YBX3: variants seen among roughly 807,000 people sequenced by gnomAD.
YBX3 encodes Y-box-binding protein 3.
Under a neutral mutation model 42.4 loss-of-function variants are expected in YBX3, and 29 were observed. The observed-to-expected ratio is 0.68, with a 90% CI of 0.51 to 0.93. YBX3 has a LOEUF of 0.93. Ranked by LOEUF, YBX3 falls within the 40% of genes least tolerant of loss-of-function variation. YBX3 has a pLI of 0.00. For missense variants in YBX3, 517 were observed against 527.5 expected, an observed-to-expected ratio of 0.98 and a Z score of 0.19; for synonymous variants, 195 against 189.8, an observed-to-expected ratio of 1.03 and a Z score of -0.22.
chr12:10,717,213 C>A (rs1161033274), intron 3 of YBX3, among the ~76,000 whole-genome samples: 2 of 152,160 alleles, frequency 1.3e-5, no homozygotes, highest in Non-Finnish European at 2.9e-5. Context: ...AATACACACA[C>A]AAACCTAAAC....
At chr12:10,720,379 A>C (rs1327684413) in intron 1 of YBX3, among the ~76,000 whole-genome samples, 2 of 152,172 alleles carry the variant, frequency 1.3e-5, no homozygotes, top group Non-Finnish European at 2.9e-5. Flanking sequence ...AACAAAAAAA[A>C]CATGTCTTTA....
chr12:10,718,157 T>C (rs1948284307), intron 2 of YBX3, 36 bp from the exon 3 acceptor site: 1 of 1,598,812 alleles, frequency 6.3e-7, no homozygotes, highest in Admixed American at 1.7e-5. Flanking sequence ...TTAAAGGTAG[T>C]ACGTATGTGG....
chr12:10,723,118 T>C lies in YBX3; in HGVS notation c.-7A>G. The C allele has an allele frequency of 1.7e-6, 2 of 1,202,192 alleles. No individual in the cohort carries two copies. The highest frequency in any genetic ancestry group is 2.1e-6 in the Non-Finnish European group (2 of 969,622). The allele number at this position is 1,202,192 out of a possible 1,614,324, so 74.5% of individuals were successfully genotyped here. ...CCTCGCCCGCCTCACTCATGCCTCC[T>C]CCTCCTCTGCTCTCGCTCAGGCGCC... On this transcript the variant is annotated 5_prime_UTR_variant, in exon 1 of 10. Transcript: ENST00000228251.
At chr12:10,713,502 C>T (rs888900378) in intron 4 of YBX3, among the ~76,000 whole-genome samples, 169 bp from the exon 5 acceptor site, 3 of 152,212 alleles carry the variant, frequency 2.0e-5, no homozygotes, top group Non-Finnish European at 4.4e-5. Context: ...TACTTCACAT[C>T]CTGATTTAAA....
rs1343296579 is a variant in YBX3 at position 10,713,214 on chromosome 12, C to T, written c.570G>A (p.Arg190=). The T allele has an allele frequency of 2.5e-6, 4 of 1,610,574 alleles. No homozygotes were observed. In the South Asian group the frequency reaches 4.4e-5, roughly 18 times the overall value. ...TTAAGTAACAGAGACAACGTACATTCCGGGGAGGGCCACGGCGCCTTCCAT... is the reference window on the plus strand; with the variant it reads ...TTAAGTAACAGAGACAACGTACATTTCGGGGAGGGCCACGGCGCCTTCCAT... ...GYYGRRRGPP[R]NYAGEEEEEG... is the part of the protein sequence containing the mutation. Residue 190 remains arginine, a synonymous_variant, in exon 5 of 10, where the codon CGG becomes CGA. Transcript: ENST00000228251.
Position 10,713,233 on chromosome 12 carries a change from C to T in YBX3, c.551G>A (p.Arg184Lys), listed in dbSNP as rs1259877110. 5 of 1,613,010 alleles carry T rather than the reference C, an allele frequency of 3.1e-6. No individual in the cohort carries two copies. The African/African-American group carries it at 6.7e-5, about 22-fold the overall frequency. Reference protein sequence around the residue: ...RRRYRRGYYGRRRGPPRNYAG... With the variant: ...RRRYRRGYYGKRRGPPRNYAG... ...TACATTCCGGGGAGGGCCACGGCGC[C>T]TTCCATAGTAGCCACGTCTGTAACG... Residue 184 changes from arginine to lysine, a missense_variant, in exon 5 of 10, where the codon AGG becomes AAG. By Grantham distance (26) the Arg-to-Lys change is conservative (BLOSUM62 2). Transcript: ENST00000228251.
chr12:10,701,865 G>A (rs1948082875), intron 8 of YBX3, 95 bp downstream of exon 8: 3 of 1,381,654 alleles, frequency 2.2e-6, no homozygotes, highest in African/African-American at 1.5e-5. Context: ...TTTGTTAAGT[G>A]TCAGGTTTCA....
intron 5 of YBX3, chr12:10,712,861 T>C (rs1948214809): frequency 5.3e-6 from 1 of 189,000 alleles, no homozygotes; most frequent in Non-Finnish European, 1.1e-5. Context: ...AACTTCTGAA[T>C]GGCAAGTGTC....
At chr12:10,719,321 T>C (rs1022760521) in intron 1 of YBX3, among the ~76,000 whole-genome samples, 178 bp from the exon 2 acceptor site, 1 of 152,170 alleles carries the variant, frequency 6.6e-6, no homozygotes, top group African/African-American at 2.4e-5. Flanking sequence ...CATAAGGAAA[T>C]ACTTTTCAGA....
chr12:10,714,083 G>T (rs936816970), intron 4 of YBX3, among the ~76,000 whole-genome samples: 5 of 152,182 alleles, frequency 3.3e-5, no homozygotes, highest in African/African-American at 1.2e-4. Flanking sequence ...AATTGGATGG[G>T]ATATCAGAGA....
At position 10,718,300 on chromosome 12, in the gene YBX3, C is replaced by A. The variant is rs1948285917; in HGVS notation, c.327-179G>T. 30 of 508,624 alleles carry A rather than the reference C, an allele frequency of 5.9e-5. No homozygotes were observed. The South Asian group carries it at 8.5e-4, about 14-fold the overall frequency. 31.5% of individuals were successfully genotyped at this position (508,624 alleles called of 1,614,324 possible). A position where few individuals can be genotyped will look rare whatever the true frequency, so the allele number is the denominator to read the frequency against. Reference sequence around the variant, plus strand: ...GTTAAACATTTCTAACTCCACAGGCCACCCACCTTCCTCCTCCACATTGCC... The same window carrying A: ...GTTAAACATTTCTAACTCCACAGGCAACCCACCTTCCTCCTCCACATTGCC... On this transcript the variant is annotated intron_variant, in intron 2 of 9. Coordinates refer to ENST00000228251, the MANE Select transcript of YBX3 (RefSeq NM_003651.5).
Position 10,713,148 on chromosome 12 carries a change from A to G in YBX3, c.573+63T>C, listed in dbSNP as rs1948218585. 3.3e-6 allele frequency: 5 copies of G among 1,533,116 alleles called. No individual in the cohort carries two copies. The South Asian group carries it at 5.2e-5, about 16-fold the overall frequency. 95.0% of individuals were successfully genotyped at this position (1,533,116 alleles called of 1,614,324 possible). A position where few individuals can be genotyped will look rare whatever the true frequency, so the allele number is the denominator to read the frequency against. On this transcript the variant is annotated intron_variant, in intron 5 of 9. Transcript: ENST00000228251. ...CAAGGCATTTATCTGCTCCAAGTAC[A>G]TACACTTAATTCCATGCATGAACAA...
intron 2 of YBX3, chr12:10,718,336 G>C: frequency 2.0e-6 from 1 of 490,998 alleles, no homozygotes; most frequent in Non-Finnish European, 3.6e-6. Flanking sequence ...ACAGTGCTTA[G>C]ATCCAAGCTC....
intron 2 of YBX3, among the ~76,000 whole-genome samples, chr12:10,718,785 T>C (rs1361309457): frequency 6.6e-6 from 1 of 152,212 alleles, no homozygotes; most frequent in Non-Finnish European, 1.5e-5. Flanking sequence ...TTTCTCCATC[T>C]GTGAAATTAT....
chr12:10,712,520 C>G (rs558082592), intron 5 of YBX3: 1 of 152,334 alleles, frequency 6.6e-6, no homozygotes, highest in South Asian at 2.1e-4. Flanking sequence ...AATAAAACAG[C>G]CTCTTAACCA....
At chr12:10,704,532 A>T (rs778902790) in intron 6 of YBX3, 11 of 156,586 alleles carry the variant, frequency 7.0e-5, no homozygotes, top group Non-Finnish European at 1.5e-4. Context: ...CAGGGGAAAG[A>T]AAGAACAACT....
At chr12:10,703,787 T>A (rs1948106909) in intron 7 of YBX3, 1 of 394,790 alleles carries the variant, frequency 2.5e-6, no homozygotes, top group Non-Finnish European at 4.6e-6. Flanking sequence ...TTTATCTGAT[T>A]TATTTTGATA....
intron 6 of YBX3, among the ~76,000 whole-genome samples, chr12:10,708,733 G>A (rs989592147): frequency 6.6e-5 from 10 of 152,194 alleles, no homozygotes; most frequent in African/African-American, 1.2e-4. Flanking sequence ...GATGTTTTAC[G>A]TGGCACTAAG....
At chr12:10,718,381 G>A (rs1424801696) in intron 2 of YBX3, 1 of 390,388 alleles carries the variant, frequency 2.6e-6, no homozygotes, top group Non-Finnish European at 4.6e-6. Flanking sequence ...CCGTTCCTCT[G>A]TCTCTTTCTG....
Sources: allele counts gnomAD v4.1 joint callset (sites outside exome capture counted in the v4.1 genomes callset), GRCh38; gene constraint gnomAD v4.1.1; transcripts MANE v1.5; gene names NCBI Gene and HGNC (gene_info 2026-07-23, HGNC 2026-07-21).